Variants in ENTREP2 observed in about 807,000 individuals in gnomAD.
The protein encoded by ENTREP2 is endosomal transmembrane epsin interactor 2.
At chr15:29,138,703 G>A in the ENTREP2 span, among the ~76,000 whole-genome samples, 17 of 16,998 alleles carry the variant, frequency 1.0e-3, no homozygotes, top group Admixed American at 4.1e-3. Flanking sequence ...GTGTGTATGC[G>A]TGTGTGTGTG....
chr15:29,269,561 T>C, the ENTREP2 span: 4 of 1,525,136 alleles, frequency 2.6e-6, no homozygotes, highest in East Asian at 2.7e-5. Flanking sequence ...CGGGACGTGC[T>C]CGGGGCCTCC....
At chr15:29,490,478 G>A in the ENTREP2 span, among the ~76,000 whole-genome samples, 1 of 152,148 alleles carries the variant, frequency 6.6e-6, no homozygotes, top group East Asian at 1.9e-4. Context: ...CTGCTGATTG[G>A]CCCATTTTAC....
At chr15:29,271,906 G>T in the ENTREP2 span, among the ~76,000 whole-genome samples, 1 of 152,162 alleles carries the variant, frequency 6.6e-6, no homozygotes, top group Admixed American at 6.5e-5. Flanking sequence ...GATATAAGGG[G>T]AAAGTGGAAA....
the ENTREP2 span, among the ~76,000 whole-genome samples, chr15:29,241,814 G>C: frequency 2.0e-5 from 3 of 152,064 alleles, no homozygotes; most frequent in Admixed American, 6.5e-5. Context: ...CGGAGGATCA[G>C]TTGAGGCCAG....
the ENTREP2 span, among the ~76,000 whole-genome samples, chr15:29,423,841 C>T: frequency 6.6e-6 from 1 of 152,088 alleles, no homozygotes; most frequent in African/African-American, 2.4e-5. Flanking sequence ...TCACAGTACA[C>T]AGTTTTTCCT....
the ENTREP2 span, among the ~76,000 whole-genome samples, chr15:29,571,393 G>C: frequency 7.2e-5 from 11 of 152,176 alleles, no homozygotes; most frequent in South Asian, 2.1e-4. Context: ...ACGGGGAGAC[G>C]GGCTGGGAGC....
At chr15:29,439,854 G>C in the ENTREP2 span, among the ~76,000 whole-genome samples, 2 of 152,162 alleles carry the variant, frequency 1.3e-5, no homozygotes, top group Non-Finnish European at 2.9e-5. Flanking sequence ...TCACAGAGGA[G>C]ACATCTGGCA....
the ENTREP2 span, among the ~76,000 whole-genome samples, chr15:29,276,038 T>A: frequency 6.6e-6 from 1 of 152,238 alleles, no homozygotes; most frequent in African/African-American, 2.4e-5. Flanking sequence ...AACAGTTATA[T>A]ATATTCATTC....
chr15:29,393,532 A>G, the ENTREP2 span, among the ~76,000 whole-genome samples: 1 of 152,084 alleles, frequency 6.6e-6, no homozygotes, highest in African/African-American at 2.4e-5. Context: ...TTCATTATTT[A>G]TTTGTTTGGG....
At chr15:29,315,728 C>T in the ENTREP2 span, among the ~76,000 whole-genome samples, 1 of 152,036 alleles carries the variant, frequency 6.6e-6, no homozygotes, top group African/African-American at 2.4e-5. Flanking sequence ...ACATAAAATA[C>T]AAATCTTTAC....
the ENTREP2 span, among the ~76,000 whole-genome samples, chr15:29,317,120 A>G: frequency 6.6e-6 from 1 of 152,240 alleles, no homozygotes; most frequent in African/African-American, 2.4e-5. Flanking sequence ...TTATAATTAC[A>G]CAAAATAGCA....
the ENTREP2 span, among the ~76,000 whole-genome samples, chr15:29,295,931 C>T: frequency 6.6e-6 from 1 of 152,154 alleles, no homozygotes; most frequent in Non-Finnish European, 1.5e-5. Context: ...GAAAGTGAAA[C>T]CTTGGGGAAG....
the ENTREP2 span, among the ~76,000 whole-genome samples, chr15:29,474,527 G>A: frequency 1.3e-5 from 2 of 151,958 alleles, no homozygotes; most frequent in African/African-American, 4.8e-5. Context: ...TACCTCCTTG[G>A]CCACACAGTT....
chr15:29,329,007 T>TA, the ENTREP2 span, among the ~76,000 whole-genome samples: 2 of 152,124 alleles, frequency 1.3e-5, no homozygotes, highest in Non-Finnish European at 1.5e-5. Flanking sequence ...TATACATACA[T>TA]ACCTTTGATA....
At chr15:29,634,605 C>T in the ENTREP2 span, among the ~76,000 whole-genome samples, 1 of 152,210 alleles carries the variant, frequency 6.6e-6, no homozygotes, top group Non-Finnish European at 1.5e-5. Flanking sequence ...AGTTCCAATA[C>T]TGTCTACCTG....
the ENTREP2 span, among the ~76,000 whole-genome samples, chr15:29,477,995 A>C: frequency 9.3e-5 from 7 of 75,260 alleles, no homozygotes; most frequent in Non-Finnish European, 1.6e-4. Flanking sequence ...AAATTTAACT[A>C]TATATATATA....
the ENTREP2 span, chr15:29,233,976 A>T: frequency 6.6e-6 from 10 of 1,507,714 alleles, no homozygotes; most frequent in Non-Finnish European, 9.2e-6. Flanking sequence ...TCAGGACTTG[A>T]TGGGACCATA....
chr15:29,244,472 A>G, the ENTREP2 span, among the ~76,000 whole-genome samples: 1 of 152,308 alleles, frequency 6.6e-6, no homozygotes, highest in East Asian at 1.9e-4. Context: ...GGGCTGACGC[A>G]TGTGCGCCAG....
chr15:29,495,025 T>G, the ENTREP2 span, among the ~76,000 whole-genome samples: 1 of 152,124 alleles, frequency 6.6e-6, no homozygotes, highest in Non-Finnish European at 1.5e-5. Context: ...GATTTATCTT[T>G]AAAACACTGA....
Sources: gnomAD v4.1 joint callset for allele counts (sites outside exome capture counted in the v4.1 genomes callset) on GRCh38, gnomAD v4.1.1 for gene constraint, MANE v1.5 for transcripts, NCBI Gene and HGNC (gene_info 2026-07-23, HGNC 2026-07-21) for gene names.